PTPRR: variants seen among roughly 807,000 people sequenced by gnomAD.
PTPRR encodes the protein protein tyrosine phosphatase receptor type R, also known as receptor-type tyrosine-protein phosphatase R.
Under a neutral mutation model 77.2 loss-of-function variants are expected in PTPRR, and 38 were observed. The ratio of observed to expected loss-of-function variants is 0.49; its 90% CI spans 0.38 to 0.65. The LOEUF is 0.65. Ranked by LOEUF, PTPRR falls within the 30% of genes least tolerant of loss-of-function variation. The pLI, the probability that PTPRR is intolerant of heterozygous loss-of-function variation, is 0.00. For synonymous variants in PTPRR, 299 were observed against 283.1 expected (o/e 1.06, Z -0.57); for missense variants, 744 against 799.2 (o/e 0.93, Z 0.83).
chr12:70,732,553 C>A (rs1006489266), intron 6 of PTPRR, among the ~76,000 whole-genome samples: 8 of 152,132 alleles, frequency 5.3e-5, no homozygotes, highest in Non-Finnish European at 2.9e-5. Flanking sequence ...GGTGAGCATC[C>A]ATTTTTTTTT....
intron 6 of PTPRR, among the ~76,000 whole-genome samples, chr12:70,730,984 AGAGGAAGGAAG>A (rs1889634893): frequency 6.8e-6 from 1 of 147,194 alleles, no homozygotes; most frequent in Non-Finnish European, 1.5e-5. Flanking sequence ...GAGGAAGGAG[AGAGGAAGGAAG>A]GAGGAAGGAG....
At chr12:70,882,990 A>G (rs1393358435) in intron 2 of PTPRR, among the ~76,000 whole-genome samples, 2 of 152,172 alleles carry the variant, frequency 1.3e-5, no homozygotes, top group African/African-American at 2.4e-5. Flanking sequence ...AAGATAATGA[A>G]GGCTGGGCAA....
chr12:70,666,032 C>G (rs1426763397), intron 10 of PTPRR, among the ~76,000 whole-genome samples: 2 of 152,148 alleles, frequency 1.3e-5, no homozygotes, highest in Non-Finnish European at 2.9e-5. Flanking sequence ...TGGAATATTA[C>G]TGACATAGGC....
At chr12:70,860,628 A>C (rs2137078333) in intron 2 of PTPRR, among the ~76,000 whole-genome samples, 1 of 152,292 alleles carries the variant, frequency 6.6e-6, no homozygotes, top group African/African-American at 2.4e-5. Flanking sequence ...GGATTTATCA[A>C]CCAGCAACAT....
chr12:70,675,203 TC>T (rs1203106275), intron 10 of PTPRR, among the ~76,000 whole-genome samples: 1 of 152,086 alleles, frequency 6.6e-6, no homozygotes, highest in Non-Finnish European at 1.5e-5. Context: ...CATTTCTGTG[TC>T]CTCTTGTAGG....
intron 12 of PTPRR, among the ~76,000 whole-genome samples, chr12:70,658,860 C>G (rs1423187181): frequency 1.7e-5 from 2 of 115,528 alleles, no homozygotes; most frequent in East Asian, 2.7e-4. Flanking sequence ...TGGATAGGTT[C>G]AACGTTAGGG....
At chr12:70,814,285 T>C (rs1014325650) in intron 2 of PTPRR, among the ~76,000 whole-genome samples, 1 of 152,130 alleles carries the variant, frequency 6.6e-6, no homozygotes, top group Non-Finnish European at 1.5e-5. Context: ...GGGATGAAAG[T>C]AACCAGCCTT....
chr12:70,807,071 T>G (rs1474552380), intron 2 of PTPRR, among the ~76,000 whole-genome samples: 4 of 152,200 alleles, frequency 2.6e-5, no homozygotes, highest in East Asian at 1.9e-4. Flanking sequence ...AAGAAAGACA[T>G]GCAGTAGAAG....
chr12:70,872,101 A>G (rs1348172304), intron 2 of PTPRR, among the ~76,000 whole-genome samples: 4 of 152,186 alleles, frequency 2.6e-5, no homozygotes, highest in African/African-American at 7.2e-5. Flanking sequence ...TTTCATAAAC[A>G]GATTTGATTG....
At chr12:70,802,929 T>C (rs1891642391) in intron 2 of PTPRR, among the ~76,000 whole-genome samples, 1 of 152,212 alleles carries the variant, frequency 6.6e-6, no homozygotes, top group Non-Finnish European at 1.5e-5. Context: ...TTGGTCTACA[T>C]ATGTCAAATT....
At chr12:70,782,451 A>C (rs922962730) in intron 2 of PTPRR, among the ~76,000 whole-genome samples, 3 of 152,198 alleles carry the variant, frequency 2.0e-5, no homozygotes, top group Admixed American at 2.0e-4. Flanking sequence ...AATGTCCATC[A>C]ATGATAGACT....
rs553314824 is a variant in PTPRR, at chr12:70,789,255, TATAATA to T, written c.358-24483_358-24478del. Reference sequence around the variant, plus strand: ...TGCACATGTACCCTAAAACTTAAAGTATAATAATAATAAAATAAAATAAAAATATTA... The same window carrying T: ...TGCACATGTACCCTAAAACTTAAAGTATAATAAAATAAAATAAAAATATTA... On this transcript the variant is annotated intron_variant, in intron 2 of 13. Coordinates refer to ENST00000283228, the MANE Select transcript of PTPRR (RefSeq NM_002849.4). 2.0e-5 allele frequency among the ~76,000 whole-genome samples: 3 copies of T among 151,918 alleles called. No homozygotes were observed. In the East Asian group the frequency reaches 5.8e-4, roughly 29 times the overall value.
chr12:70,820,165 T>C (rs1328192050), intron 2 of PTPRR, among the ~76,000 whole-genome samples: 1 of 152,208 alleles, frequency 6.6e-6, no homozygotes. Context: ...ATTTATAATT[T>C]AATCCATAAT....
intron 2 of PTPRR, chr12:70,788,815 C>G: frequency 6.6e-7 from 1 of 1,515,034 alleles, no homozygotes; most frequent in Non-Finnish European, 8.8e-7. Flanking sequence ...GATTATCTCA[C>G]CTGTTTGGAA....
At chr12:70,756,433 T>C (rs1193146424) in intron 4 of PTPRR, among the ~76,000 whole-genome samples, 1 of 152,130 alleles carries the variant, frequency 6.6e-6, no homozygotes, top group Admixed American at 6.6e-5. Context: ...GACAAGTTTG[T>C]AGTTAAGAGC....
chr12:70,673,745 G>A (rs1186353835), intron 10 of PTPRR, among the ~76,000 whole-genome samples: 5 of 152,110 alleles, frequency 3.3e-5, no homozygotes, highest in African/African-American at 1.2e-4. Flanking sequence ...GCAGGGGTAA[G>A]GCATTTTGCT....
intron 2 of PTPRR, among the ~76,000 whole-genome samples, chr12:70,842,039 C>T (rs1157651289): frequency 1.3e-5 from 2 of 151,922 alleles, no homozygotes; most frequent in African/African-American, 2.4e-5. Flanking sequence ...TAATATATTC[C>T]CTGAAGTAAT....
intron 12 of PTPRR, among the ~76,000 whole-genome samples, chr12:70,659,637 A>G (rs1015955448): frequency 1.3e-5 from 2 of 152,152 alleles, no homozygotes; most frequent in African/African-American, 2.4e-5. Flanking sequence ...ATAGTCAGTT[A>G]GGCTGTTTTT....
At chr12:70,857,211 C>T (rs757711298) in intron 2 of PTPRR, among the ~76,000 whole-genome samples, 3 of 152,086 alleles carry the variant, frequency 2.0e-5, no homozygotes, top group Non-Finnish European at 2.9e-5. Flanking sequence ...AGCTGGGACA[C>T]ACCTCTGAGG....
Sources: allele counts gnomAD v4.1 joint callset (sites outside exome capture counted in the v4.1 genomes callset), GRCh38; gene constraint gnomAD v4.1.1; transcripts MANE v1.5; gene names NCBI Gene and HGNC (gene_info 2026-07-23, HGNC 2026-07-21).